Variants in TMEM156 observed in about 807,000 individuals in gnomAD.
TMEM156 encodes transmembrane protein 156.
A neutral mutation model predicts 30.5 loss-of-function variants in TMEM156; 28 were observed. The observed-to-expected ratio is 0.92, with a 90% confidence interval of 0.68 to 1.26. The LOEUF (loss-of-function observed/expected upper bound fraction) is 1.26, where lower values mean the gene tolerates loss of function less well. Among genes scored for constraint, TMEM156 ranks in the 50% most tolerant of loss-of-function variants. The pLI is 0.00. For synonymous variants in TMEM156, 137 were observed against 119.9 expected (o/e 1.14, Z -0.93); for missense variants, 351 against 340.6 (o/e 1.03, Z -0.24).
intron 1 of TMEM156, chr4:39,028,520 T>C (rs956823627): frequency 6.6e-6 from 1 of 152,224 alleles, no homozygotes; most frequent in African/African-American, 2.4e-5. Context: ...TTTATTTAGT[T>C]GTTTGCCAGT....
At position 38,993,777 on chromosome 4, in the gene TMEM156, A is replaced by G; in HGVS notation, c.580T>C (p.Cys194Arg). 1 of 1,613,736 alleles carries G rather than the reference A, an allele frequency of 6.2e-7. No homozygotes were observed. The highest frequency in any genetic ancestry group is 1.7e-4 in the Middle Eastern group (1 of 6,058). ...TCTAGGTGCAAAGAAATGTGTATAC[A>G]ATCATTCGGGTATTCCATGATTCTA... ...TCRIMEYPND[C>R]IHISLHLEMD... The change falls in exon 3 of 7, where the codon TGT becomes CGT. Residue 194 changes from cysteine to arginine, a missense_variant. By Grantham distance (180) the Cys-to-Arg change is radical (BLOSUM62 -3). Coordinates refer to ENST00000381938, the MANE Select transcript of TMEM156 (RefSeq NM_024943.3).
At chr4:38,974,419 T>C (rs1465745402) in intron 5 of TMEM156, among the ~76,000 whole-genome samples, 2 of 152,080 alleles carry the variant, frequency 1.3e-5, no homozygotes, top group African/African-American at 4.8e-5. Context: ...TTATTAATAA[T>C]GTTTATTTCA....
chr4:38,985,690 G>A (rs936546191), intron 5 of TMEM156, among the ~76,000 whole-genome samples: 2 of 152,054 alleles, frequency 1.3e-5, no homozygotes, highest in East Asian at 1.9e-4. Context: ...TGGTTTTCAC[G>A]GTCAAGGATA....
At chr4:38,998,940 A>G (rs1713131560) in intron 1 of TMEM156, 31 bp from the exon 2 acceptor site, 2 of 1,572,684 alleles carry the variant, frequency 1.3e-6, no homozygotes, top group South Asian at 2.4e-5. Context: ...CACTTTCTTT[A>G]CTGTAAAGCT....
intron 1 of TMEM156, among the ~76,000 whole-genome samples, chr4:38,999,436 G>A (rs1441422126): frequency 6.6e-6 from 1 of 151,346 alleles, no homozygotes; most frequent in South Asian, 2.1e-4. Context: ...CTCTATTCTG[G>A]GGAATTTTTT....
chr4:38,972,771 G>A (rs1216539993), intron 5 of TMEM156, among the ~76,000 whole-genome samples: 1 of 152,054 alleles, frequency 6.6e-6, no homozygotes, highest in Non-Finnish European at 1.5e-5. Context: ...TTCACCATTT[G>A]CCTCCTGCAT....
chr4:39,001,990 A>G (rs1713395652), intron 1 of TMEM156, among the ~76,000 whole-genome samples: 1 of 134,434 alleles, frequency 7.4e-6, no homozygotes, highest in South Asian at 2.6e-4. Context: ...CTTCATGTCT[A>G]AAACACCAAA....
chr4:39,004,670 A>T (rs998730476), intron 1 of TMEM156, among the ~76,000 whole-genome samples: 1 of 152,164 alleles, frequency 6.6e-6, no homozygotes, highest in African/African-American at 2.4e-5. Flanking sequence ...ATTTTTATGA[A>T]TGAATATACT....
chr4:39,024,891 A>G (rs1402807105), intron 1 of TMEM156, among the ~76,000 whole-genome samples: 1 of 152,242 alleles, frequency 6.6e-6, no homozygotes, highest in Non-Finnish European at 1.5e-5. Flanking sequence ...ATAGTCGATT[A>G]TTTCTAAAAA....
intron 2 of TMEM156, among the ~76,000 whole-genome samples, chr4:38,995,641 G>A (rs1327398516): frequency 2.0e-5 from 3 of 152,194 alleles, no homozygotes; most frequent in Non-Finnish European, 4.4e-5. Flanking sequence ...CTTGAATCTG[G>A]GAGGCAGAGG....
intron 1 of TMEM156, among the ~76,000 whole-genome samples, chr4:39,016,371 T>TA (rs71192812): frequency 0.15 from 20,151 of 132,916 alleles, 1,765 homozygotes; most frequent in South Asian, 0.3. Flanking sequence ...AGACTCTGCC[T>TA]AAAAAAAAAA....
intron 1 of TMEM156, among the ~76,000 whole-genome samples, chr4:39,012,769 A>G (rs1412324802): frequency 6.6e-6 from 1 of 152,054 alleles, no homozygotes; most frequent in Non-Finnish European, 1.5e-5. Context: ...GTGAAACCCC[A>G]TCTCTGCTAA....
At chr4:39,002,410 A>C (rs1179620962) in intron 1 of TMEM156, among the ~76,000 whole-genome samples, 2 of 141,168 alleles carry the variant, frequency 1.4e-5, no homozygotes, top group Non-Finnish European at 1.6e-5. Flanking sequence ...ATGTGGAGAA[A>C]TAGGAACACT....
At chr4:38,976,289 CAAAAAAAA>C (rs34271253) in intron 5 of TMEM156, among the ~76,000 whole-genome samples, 1 of 74,322 alleles carries the variant, frequency 1.3e-5, no homozygotes, top group Non-Finnish European at 2.5e-5. Flanking sequence ...GACTCCGTCT[CAAAAAAAA>C]AAAAAAAAAA....
chr4:39,019,905 T>G (rs1039908399), intron 1 of TMEM156, among the ~76,000 whole-genome samples: 1 of 152,170 alleles, frequency 6.6e-6, no homozygotes, highest in African/African-American at 2.4e-5. Context: ...AACTTATTCA[T>G]CTGTCTAAAT....
intron 1 of TMEM156, among the ~76,000 whole-genome samples, chr4:39,013,927 G>A (rs1376242473): frequency 6.6e-6 from 1 of 151,986 alleles, no homozygotes; most frequent in Non-Finnish European, 1.5e-5. Flanking sequence ...TTTCTATAAG[G>A]GGTCATTTAG....
At chr4:38,976,779 T>C (rs759288008) in intron 5 of TMEM156, among the ~76,000 whole-genome samples, 1 of 152,250 alleles carries the variant, frequency 6.6e-6, no homozygotes, top group Non-Finnish European at 1.5e-5. Context: ...GGAGCCTGGA[T>C]TTTTATAGAC....
intron 1 of TMEM156, among the ~76,000 whole-genome samples, chr4:39,006,080 G>A (rs1323972441): frequency 1.3e-5 from 2 of 152,112 alleles, no homozygotes; most frequent in African/African-American, 4.8e-5. Flanking sequence ...ATTTTTAATA[G>A]AGATGAAGTT....
At chr4:38,984,347 C>CTGTGTGTGTGTGTG (rs1211976306) in intron 5 of TMEM156, among the ~76,000 whole-genome samples, 35 of 130,646 alleles carry the variant, frequency 2.7e-4, no homozygotes, top group African/African-American at 1.1e-3. Context: ...CTCTCTCTCT[C>CTGTGTGTGTGTGTG]TCTGTGTGTG....
Sources: gnomAD v4.1 joint callset for allele counts (sites outside exome capture counted in the v4.1 genomes callset) on GRCh38, gnomAD v4.1.1 for gene constraint, MANE v1.5 for transcripts, NCBI Gene and HGNC (gene_info 2026-07-23, HGNC 2026-07-21) for gene names.